Variants in SAG observed in about 807,000 individuals in gnomAD.
SAG encodes the protein S-antigen visual arrestin.
In SAG, 45 loss-of-function variants were observed where a neutral mutation model predicts 55.0. The ratio of observed to expected loss-of-function variants is 0.82; its 90% CI spans 0.64 to 1.05. The LOEUF is 1.05. SAG is among the 50% of genes least tolerant of loss of function. The probability of loss-of-function intolerance (pLI) is 0.00; values close to 1 mark genes in which losing one functional copy is unlikely to be tolerated. For synonymous variants in SAG, 189 were observed against 197.4 expected (o/e 0.96, Z 0.36); for missense variants, 455 against 512.1 (o/e 0.89, Z 1.08).
Position 233,319,710 on chromosome 2 carries a change from C to G in SAG, c.181+915C>G. The stretch of plus-strand genomic sequence containing the variant: ...GGTTTGAGCCCCGAAAGCCCAAGTC[C>G]TTGACCAGAGAAGGGCGCCTGTTCT... On this transcript the variant is annotated intron_variant, in intron 4 of 15. Coordinates refer to ENST00000409110, the MANE Select transcript of SAG (RefSeq NM_000541.5). The surrounding 1 kb of genome is among the most constrained non-coding windows in gnomAD (Gnocchi z 4.4). 1 of 985,812 alleles carries G rather than the reference C, an allele frequency of 1.0e-6. No individual in the cohort carries two copies. The highest frequency in any genetic ancestry group is 1.2e-6 in the Non-Finnish European group (1 of 830,216). The allele number at this position is 985,812 out of a possible 1,614,324, so 61.1% of individuals were successfully genotyped here.
intron 12 of SAG, among the ~76,000 whole-genome samples, chr2:233,339,908 C>T (rs1003330515): frequency 1.3e-5 from 2 of 151,850 alleles, no homozygotes; most frequent in Non-Finnish European, 2.9e-5. Context: ...AGTGATCTGC[C>T]CACCTCAGCC....
At chr2:233,310,764 C>T (rs2125319274) in intron 2 of SAG, among the ~76,000 whole-genome samples, 1 of 152,260 alleles carries the variant, frequency 6.6e-6, no homozygotes, top group Middle Eastern at 3.4e-3. Context: ...ATCTTGGCCT[C>T]CCCAAGTGCT....
chr2:233,313,794 C>T (rs1230288866), intron 2 of SAG, among the ~76,000 whole-genome samples: 4 of 147,446 alleles, frequency 2.7e-5, no homozygotes, highest in African/African-American at 1.0e-4. Context: ...GGCTTGAACT[C>T]CTGACTTCAG....
intron 6 of SAG, among the ~76,000 whole-genome samples, chr2:233,324,166 G>T (rs1351976796): frequency 1.3e-5 from 2 of 152,164 alleles, no homozygotes; most frequent in African/African-American, 4.8e-5. Flanking sequence ...GGAGGCTGAG[G>T]TGGGCGGATC....
intron 3 of SAG, among the ~76,000 whole-genome samples, chr2:233,317,580 A>G (rs1030005993): frequency 2.6e-5 from 4 of 152,258 alleles, no homozygotes; most frequent in Non-Finnish European, 4.4e-5. Flanking sequence ...GCAGCATGTT[A>G]TCAAAAGCCA....
chr2:233,339,298 C>T (rs1405556767), intron 12 of SAG, among the ~76,000 whole-genome samples: 3 of 152,186 alleles, frequency 2.0e-5, no homozygotes, highest in East Asian at 1.9e-4. Context: ...TTTGTTTAAT[C>T]TTACCAAAAG....
At chr2:233,335,652 T>A (rs1700902686) in intron 11 of SAG, among the ~76,000 whole-genome samples, 1 of 152,216 alleles carries the variant, frequency 6.6e-6, no homozygotes, top group African/African-American at 2.4e-5. Flanking sequence ...ACTTTAGATG[T>A]CCATTAAATT....
At chr2:233,331,097 C>G (rs1700747236) in intron 9 of SAG, among the ~76,000 whole-genome samples, 1 of 152,058 alleles carries the variant, frequency 6.6e-6, no homozygotes, top group Non-Finnish European at 1.5e-5. Flanking sequence ...TAAAAGTCAT[C>G]TTTTTAATCA....
At chr2:233,314,506 G>A (rs770661103) in intron 2 of SAG, among the ~76,000 whole-genome samples, 3 of 152,260 alleles carry the variant, frequency 2.0e-5, no homozygotes, top group East Asian at 3.9e-4. Flanking sequence ...GGTCAGCCCC[G>A]CAGGGTGGAT....
chr2:233,328,836 A>G, intron 8 of SAG: 1 of 477,598 alleles, frequency 2.1e-6, no homozygotes, highest in Non-Finnish European at 3.6e-6. Flanking sequence ...CGTTCCACCC[A>G]CTGGCTGTCC....
At chr2:233,336,028 A>G (rs1239333288) in intron 11 of SAG, among the ~76,000 whole-genome samples, 1 of 152,254 alleles carries the variant, frequency 6.6e-6, no homozygotes, top group African/African-American at 2.4e-5. Context: ...TGGAAGTCAA[A>G]GGATTTTCTG....
intron 2 of SAG, among the ~76,000 whole-genome samples, chr2:233,313,441 A>T (rs1403634755): frequency 6.6e-6 from 1 of 152,148 alleles, no homozygotes; most frequent in African/African-American, 2.4e-5. Flanking sequence ...GCCAGTAGAC[A>T]CTGAGCAGCA....
chr2:233,313,001 C>T (rs531265009), intron 2 of SAG, among the ~76,000 whole-genome samples: 1 of 152,198 alleles, frequency 6.6e-6, no homozygotes, highest in Non-Finnish European at 1.5e-5. Flanking sequence ...CCAGCAGCTG[C>T]TGGGGCCTCT....
intron 13 of SAG, among the ~76,000 whole-genome samples, chr2:233,341,405 T>C (rs916861040): frequency 1.3e-5 from 2 of 152,346 alleles, no homozygotes; most frequent in South Asian, 4.1e-4. Flanking sequence ...CAGCTGTCAC[T>C]ATTTGCAATA....
chr2:233,309,501 G>C (rs930946007), intron 2 of SAG, among the ~76,000 whole-genome samples: 6 of 152,164 alleles, frequency 3.9e-5, no homozygotes, highest in African/African-American at 1.4e-4. Context: ...ACAAAAATTA[G>C]CTGGGTATGG....
chr2:233,334,663 G>A (rs773542869), intron 10 of SAG: 26 of 292,030 alleles, frequency 8.9e-5, no homozygotes, highest in Non-Finnish European at 1.7e-4. Context: ...AGGAGGCTGT[G>A]GTCTCTGACT....
chr2:233,329,741 T>C (rs1393589864), intron 9 of SAG, among the ~76,000 whole-genome samples, 164 bp downstream of exon 9: 1 of 152,250 alleles, frequency 6.6e-6, no homozygotes, highest in Non-Finnish European at 1.5e-5. Flanking sequence ...AGAAAGGCCT[T>C]ACAAGTTATC....
chr2:233,327,024 T>A, intron 6 of SAG, 97 bp from the exon 7 acceptor site: 1 of 863,828 alleles, frequency 1.2e-6, no homozygotes, highest in Middle Eastern at 2.4e-4. Flanking sequence ...AAAGAGATAG[T>A]GCCACATCAT....
intron 7 of SAG, 65 bp downstream of exon 7, chr2:233,327,262 C>T (rs780347256): frequency 3.5e-5 from 46 of 1,325,522 alleles, no homozygotes; most frequent in South Asian, 5.9e-5. Flanking sequence ...AGACGACCTC[C>T]ACCTTGTCTC....
Sources: allele counts gnomAD v4.1 joint callset (sites outside exome capture counted in the v4.1 genomes callset), GRCh38; gene constraint gnomAD v4.1.1; non-coding constraint Gnocchi (gnomAD v3.1); transcripts MANE v1.5; gene names NCBI Gene and HGNC (gene_info 2026-07-23, HGNC 2026-07-21).